The following PCCA variants were observed in gnomAD, a reference collection of about 807,000 sequenced individuals.
The protein encoded by PCCA is propionyl-CoA carboxylase subunit alpha, also known as propionyl-CoA carboxylase alpha chain, mitochondrial.
A neutral mutation model predicts 101.3 loss-of-function variants in PCCA; 74 were observed. The ratio of observed to expected loss-of-function variants is 0.73; its 90% CI spans 0.61 to 0.89. PCCA has a LOEUF of 0.89. Among genes scored for constraint, PCCA ranks in the 40% least tolerant of loss-of-function variants. The pLI, the probability that PCCA is intolerant of heterozygous loss-of-function variation, is 0.00. For missense variants in PCCA, 891 were observed against 907.0 expected (o/e 0.98, Z 0.23); for synonymous variants, 294 against 313.6 (o/e 0.94, Z 0.66).
At chr13:100,338,905 T>A (rs1173101223) in intron 17 of PCCA, among the ~76,000 whole-genome samples, 1 of 152,048 alleles carries the variant, frequency 6.6e-6, no homozygotes, top group African/African-American at 2.4e-5. Context: ...ATTTTTAGTC[T>A]TATTTGTATT....
At chr13:100,476,340 A>G (rs1330838209) in intron 21 of PCCA, among the ~76,000 whole-genome samples, 1 of 152,250 alleles carries the variant, frequency 6.6e-6, no homozygotes, top group Non-Finnish European at 1.5e-5. Context: ...TATTTGTCAA[A>G]GCTTCAAATA....
chr13:100,241,507 T>C (rs1488699839), intron 8 of PCCA, among the ~76,000 whole-genome samples: 3 of 152,164 alleles, frequency 2.0e-5, no homozygotes, highest in African/African-American at 7.2e-5. Context: ...GTCTCGCTCT[T>C]TTACCCAGGA....
intron 21 of PCCA, among the ~76,000 whole-genome samples, chr13:100,514,699 G>A (rs570384207): frequency 6.6e-6 from 1 of 152,274 alleles, no homozygotes; most frequent in Non-Finnish European, 1.5e-5. Flanking sequence ...CCTACAGAAG[G>A]TGCCATGAAT....
At chr13:100,222,819 T>C (rs2059902982) in intron 7 of PCCA, among the ~76,000 whole-genome samples, 1 of 152,344 alleles carries the variant, frequency 6.6e-6, no homozygotes, top group South Asian at 2.1e-4. Context: ...TTTAGTTTGT[T>C]ACATTTCTCC....
chr13:100,317,710 C>G (rs1445699889), intron 16 of PCCA, among the ~76,000 whole-genome samples: 3 of 152,152 alleles, frequency 2.0e-5, no homozygotes. Context: ...CCTCAACCTC[C>G]CTGGTAGCTG....
intron 21 of PCCA, among the ~76,000 whole-genome samples, chr13:100,512,959 A>C (rs566348211): frequency 1.0e-3 from 153 of 151,996 alleles, no homozygotes; most frequent in Admixed American, 2.4e-3. Flanking sequence ...GCTAGTAAAT[A>C]GCAGTTTTGA....
intron 4 of PCCA, among the ~76,000 whole-genome samples, chr13:100,127,611 G>A (rs1443578408): frequency 2.6e-5 from 4 of 152,128 alleles, no homozygotes; most frequent in Admixed American, 2.6e-4. Flanking sequence ...AAGATTTGAG[G>A]GCCGGGCGTG....
At chr13:100,169,560 C>T (rs2152411814) in intron 6 of PCCA, among the ~76,000 whole-genome samples, 1 of 151,852 alleles carries the variant, frequency 6.6e-6, no homozygotes, top group East Asian at 2.0e-4. Context: ...CGGAGTCTTG[C>T]TCTGTTGCCC....
chr13:100,340,387 A>C, intron 18 of PCCA, 128 bp downstream of exon 18: 1 of 698,594 alleles, frequency 1.4e-6, no homozygotes, highest in Non-Finnish European at 2.6e-6. Context: ...TTGGAGAAGT[A>C]TAATAAAGTC....
chr13:100,154,844 G>A (rs1389097447), intron 4 of PCCA, 135 bp from the exon 5 acceptor site: 8 of 716,852 alleles, frequency 1.1e-5, no homozygotes, highest in Non-Finnish European at 1.8e-5. Flanking sequence ...TTGCTTTTTA[G>A]TGCATACTCA....
intron 4 of PCCA, among the ~76,000 whole-genome samples, chr13:100,136,778 C>T (rs1291801885): frequency 2.0e-5 from 3 of 151,746 alleles, no homozygotes; most frequent in Non-Finnish European, 4.4e-5. Flanking sequence ...TTTTGGATGT[C>T]GTTTTTTTCT....
intron 20 of PCCA, among the ~76,000 whole-genome samples, chr13:100,441,166 C>T (rs1595909011): frequency 6.6e-6 from 1 of 152,156 alleles, no homozygotes; most frequent in Non-Finnish European, 1.5e-5. Flanking sequence ...AGCTTTTCTC[C>T]TCTTCTGTTA....
At chr13:100,253,832 T>G (rs886743076) in intron 8 of PCCA, among the ~76,000 whole-genome samples, 18 of 148,866 alleles carry the variant, frequency 1.2e-4, no homozygotes, top group African/African-American at 4.4e-4. Context: ...GAGGAAAAAC[T>G]TGGGAAGGGC....
At chr13:100,180,217 T>C (rs1045246196) in intron 6 of PCCA, among the ~76,000 whole-genome samples, 1 of 152,204 alleles carries the variant, frequency 6.6e-6, no homozygotes, top group Non-Finnish European at 1.5e-5. Context: ...AAGAACACTT[T>C]GCTACATAGG....
chr13:100,395,532 ATTC>A (rs1206903441), intron 19 of PCCA, among the ~76,000 whole-genome samples: 1 of 152,230 alleles, frequency 6.6e-6, no homozygotes, highest in Admixed American at 6.5e-5. Context: ...CCATCTCTGT[ATTC>A]TTGATTGTGT....
intron 21 of PCCA, among the ~76,000 whole-genome samples, chr13:100,453,283 C>T (rs2152931070): frequency 6.6e-6 from 1 of 152,116 alleles, no homozygotes; most frequent in South Asian, 2.1e-4. Context: ...GGGAGGATCA[C>T]CTGGGTCAGG....
chr13:100,412,588 C>T (rs1015152442), intron 19 of PCCA, among the ~76,000 whole-genome samples: 2 of 152,064 alleles, frequency 1.3e-5, no homozygotes, highest in East Asian at 1.9e-4. Context: ...AAGGTCATGG[C>T]GGTGGCTTAC....
intron 2 of PCCA, among the ~76,000 whole-genome samples, chr13:100,107,377 T>C (rs776989883): frequency 3.3e-5 from 5 of 152,226 alleles, no homozygotes; most frequent in Non-Finnish European, 7.3e-5. Context: ...AGTACAGTAC[T>C]GTGTTGTTCC....
At chr13:100,366,558 A>T (rs867401951) in intron 18 of PCCA, among the ~76,000 whole-genome samples, 18 of 152,176 alleles carry the variant, frequency 1.2e-4, no homozygotes, top group South Asian at 2.1e-4. Flanking sequence ...TAAGAAAAAA[A>T]AGAGGAATAC....
Sources: allele counts gnomAD v4.1 joint callset (sites outside exome capture counted in the v4.1 genomes callset), GRCh38; gene constraint gnomAD v4.1.1; transcripts MANE v1.5; gene names NCBI Gene and HGNC (gene_info 2026-07-23, HGNC 2026-07-21).